The following POLN variants were observed in gnomAD, a reference collection of about 807,000 sequenced individuals.
The protein encoded by POLN is DNA polymerase nu.
In POLN, 108 loss-of-function variants were observed where a neutral mutation model predicts 113.5. That is an observed-to-expected ratio of 0.95 (90% CI 0.81 to 1.12). POLN has a LOEUF of 1.12. Ranked by LOEUF, POLN falls within the 50% of genes most tolerant of loss-of-function variation. The pLI is 0.00. For synonymous variants in POLN, 386 were observed against 391.5 expected (o/e 0.99, Z 0.17); for missense variants, 1,097 against 1,077.1 (o/e 1.02, Z -0.26).
At chr4:2,154,969 C>T (rs1732387614) in intron 16 of POLN, among the ~76,000 whole-genome samples, 1 of 152,192 alleles carries the variant, frequency 6.6e-6, no homozygotes, top group African/African-American at 2.4e-5. Context: ...TAGAGCTTCA[C>T]TGAGAACCTG....
At chr4:2,115,175 A>T (rs1354524105) in intron 19 of POLN, among the ~76,000 whole-genome samples, 1 of 150,246 alleles carries the variant, frequency 6.7e-6, no homozygotes, top group Non-Finnish European at 1.5e-5. Context: ...CAGCCTCCCC[A>T]GTAGCTGGGA....
At chr4:2,089,000 T>G in intron 20 of POLN, 2 of 869,430 alleles carry the variant, frequency 2.3e-6, no homozygotes, top group Non-Finnish European at 3.8e-6. Flanking sequence ...GCCTTTATTG[T>G]TTTTCTCATT....
chr4:2,183,720 A>T (rs1733200802), intron 7 of POLN, among the ~76,000 whole-genome samples: 1 of 152,080 alleles, frequency 6.6e-6, no homozygotes. Context: ...GGTGACAAAA[A>T]TGTTCTGATA....
At chr4:2,129,993 C>A (rs906237441) in intron 17 of POLN, among the ~76,000 whole-genome samples, 1 of 151,930 alleles carries the variant, frequency 6.6e-6, no homozygotes, top group Non-Finnish European at 1.5e-5. Context: ...CTGGCTCACA[C>A]CTGTAATCCC....
chr4:2,177,335 A>G (rs1016270733), intron 8 of POLN: 6 of 470,728 alleles, frequency 1.3e-5, no homozygotes, highest in Non-Finnish European at 2.6e-5. Flanking sequence ...TAGAGGCACC[A>G]TGTTCTCTGA....
intron 13 of POLN, 140 bp downstream of exon 13, chr4:2,170,539 T>TG (rs1431845113): frequency 3.0e-6 from 2 of 658,942 alleles, no homozygotes; most frequent in East Asian, 5.3e-5. Flanking sequence ...AACCTTGGTG[T>TG]GGGGAGCCCC....
intron 19 of POLN, among the ~76,000 whole-genome samples, chr4:2,105,644 T>C (rs1163898414): frequency 6.6e-6 from 1 of 151,964 alleles, no homozygotes; most frequent in Non-Finnish European, 1.5e-5. Context: ...ATAACTGGTA[T>C]AACACAAGGC....
In POLN at chr4:2,106,368, T is replaced by A. The variant is rs566987693; in HGVS notation, c.1983-10435A>T. ...GTTACCATAAAATTGCCTTTGGAGG[T>A]CTTGCAAGACTCCTAGACTTTAGAA... On this transcript the variant is annotated intron_variant, in intron 19 of 25. Coordinates refer to ENST00000511885, the MANE Select transcript of POLN (RefSeq NM_181808.4). 5.3e-4 allele frequency among the ~76,000 whole-genome samples: 81 copies of A among 152,264 alleles called. 1 individual carries two copies. The highest frequency in any genetic ancestry group is 1.9e-3 in the African/African-American group (77 of 41,538).
At chr4:2,088,384 T>C (rs954012185) in intron 20 of POLN, among the ~76,000 whole-genome samples, 40 of 152,266 alleles carry the variant, frequency 2.6e-4, no homozygotes, top group African/African-American at 9.4e-4. Flanking sequence ...AAATATCTCA[T>C]AGAAAAAAAT....
rs1333754689 is a variant in POLN, at chr4:2,239,086, A to C, written c.-13+2434T>G. On this transcript the variant is annotated intron_variant, in intron 2 of 25. Coordinates refer to ENST00000511885, the MANE Select transcript of POLN (RefSeq NM_181808.4). ...ATTACATTTCAAACTGTATGCCTAA[A>C]TTTGAAATCATCTTAAGATTATTTT... 2.9e-6 allele frequency: 3 copies of C among 1,027,740 alleles called. No individual in the cohort carries two copies. In the African/African-American group the frequency reaches 4.8e-5, roughly 16 times the overall value. 63.7% of individuals were successfully genotyped at this position (1,027,740 alleles called of 1,614,324 possible).
intron 23 of POLN, among the ~76,000 whole-genome samples, chr4:2,077,226 G>A (rs1577676874): frequency 1.3e-5 from 2 of 152,346 alleles, no homozygotes; most frequent in African/African-American, 2.4e-5. Context: ...GAGCCAGAGG[G>A]ACTTCGGTCC....
chr4:2,181,214 G>A (rs74983115), intron 7 of POLN, among the ~76,000 whole-genome samples: 6,100 of 152,132 alleles, frequency 0.04, 165 homozygotes, highest in Middle Eastern at 0.051. Flanking sequence ...GCATGATCTC[G>A]GCTCACTGCA....
At chr4:2,240,194 AT>A in intron 2 of POLN, 1 of 1,614,054 alleles carries the variant, frequency 6.2e-7, no homozygotes, top group Non-Finnish European at 8.5e-7. Context: ...GGATTTCTTG[AT>A]TATCACAAAT....
chr4:2,210,590 A>C (rs1733964871), intron 4 of POLN, among the ~76,000 whole-genome samples: 1 of 100,426 alleles, frequency 1.0e-5, no homozygotes, highest in Non-Finnish European at 1.8e-5. Flanking sequence ...CAAAATAATA[A>C]TAATAATAAT....
intron 13 of POLN, among the ~76,000 whole-genome samples, chr4:2,161,517 G>A (rs1034503140): frequency 6.6e-6 from 1 of 152,218 alleles, no homozygotes; most frequent in East Asian, 1.9e-4. Context: ...GGTAGGGCTC[G>A]GGACCTGCAA....
At chr4:2,106,773 C>T (rs1312011199) in intron 19 of POLN, among the ~76,000 whole-genome samples, 5 of 152,094 alleles carry the variant, frequency 3.3e-5, no homozygotes, top group Non-Finnish European at 7.4e-5. Flanking sequence ...ATTCATACCA[C>T]TGTGTTTTAG....
intron 7 of POLN, among the ~76,000 whole-genome samples, chr4:2,187,149 A>C (rs1048564800): frequency 4.6e-5 from 7 of 152,250 alleles, no homozygotes; most frequent in African/African-American, 1.4e-4. Flanking sequence ...TCTAAGAATT[A>C]GTGGTGTTCA....
chr4:2,198,957 G>C (rs1733647109), intron 5 of POLN, among the ~76,000 whole-genome samples: 1 of 151,948 alleles, frequency 6.6e-6, no homozygotes, highest in South Asian at 2.1e-4. Context: ...ATAGGAGAAA[G>C]GAATAAAAGG....
At position 2,081,007 on chromosome 4, in the gene POLN, T is replaced by C. The variant is rs1730400339; in HGVS notation, c.2338A>G (p.Met780Val). The C allele has an allele frequency of 2.5e-6, 4 of 1,613,850 alleles. No homozygotes were observed. The highest frequency in any genetic ancestry group is 3.4e-6 in the Non-Finnish European group (4 of 1,179,954). The part of the protein sequence containing the change: ...GSAADLCKLA[M>V]IHVFTAVAAS... ...GCCACTGCAGTGAAGACATGGATCATGGCCAGCTTGCAGAGGTCAGCAGCG... is the reference window on the plus strand; with the variant it reads ...GCCACTGCAGTGAAGACATGGATCACGGCCAGCTTGCAGAGGTCAGCAGCG... The change falls in exon 23 of 26, where the codon ATG becomes GTG. Residue 780 changes from methionine to valine, a missense_variant. Coordinates refer to ENST00000511885, the MANE Select transcript of POLN (RefSeq NM_181808.4).
Sources: allele counts gnomAD v4.1 joint callset (sites outside exome capture counted in the v4.1 genomes callset), GRCh38; gene constraint gnomAD v4.1.1; transcripts MANE v1.5; gene names NCBI Gene and HGNC (gene_info 2026-07-23, HGNC 2026-07-21).